The following COL8A1 variants were observed in gnomAD, a reference collection of about 807,000 sequenced individuals.
The protein encoded by COL8A1 is collagen alpha-1(VIII) chain.
A neutral mutation model predicts 42.7 loss-of-function variants in COL8A1; 21 were observed. The observed-to-expected ratio is 0.49, with a 90% CI of 0.35 to 0.71. COL8A1 has a LOEUF of 0.71. Ranked by LOEUF, COL8A1 falls within the 30% of genes least tolerant of loss-of-function variation. The probability of loss-of-function intolerance (pLI) is 0.01; values close to 1 mark genes in which losing one functional copy is unlikely to be tolerated. For missense variants in COL8A1, 788 were observed against 962.4 expected (o/e 0.82, Z 2.40); for synonymous variants, 367 against 369.1 (o/e 0.99, Z 0.06).
intron 2 of COL8A1, among the ~76,000 whole-genome samples, chr3:99,761,752 G>A (rs1285318387): frequency 1.3e-5 from 2 of 152,098 alleles, no homozygotes; most frequent in Non-Finnish European, 2.9e-5. Flanking sequence ...TAGATATCTA[G>A]AGAAAACACG....
intron 1 of COL8A1, among the ~76,000 whole-genome samples, chr3:99,646,775 A>G (rs1366173194): frequency 6.6e-6 from 1 of 152,226 alleles, no homozygotes; most frequent in African/African-American, 2.4e-5. Flanking sequence ...GTGGAAAGTA[A>G]AAAAACAAAT....
chr3:99,649,866 A>G (rs376236163), intron 1 of COL8A1, among the ~76,000 whole-genome samples: 9 of 152,178 alleles, frequency 5.9e-5, no homozygotes, highest in Non-Finnish European at 1.2e-4. Context: ...GGGGCATAAG[A>G]TGAATGCCTA....
chr3:99,700,963 T>A (rs1246707530), intron 1 of COL8A1, among the ~76,000 whole-genome samples: 2 of 152,214 alleles, frequency 1.3e-5, no homozygotes, highest in Non-Finnish European at 2.9e-5. Context: ...GCTTTCTCAC[T>A]CTTACCCCCG....
intron 1 of COL8A1, among the ~76,000 whole-genome samples, chr3:99,658,121 AC>A (rs201391088): frequency 0.086 from 12,444 of 144,410 alleles, 699 homozygotes; most frequent in Middle Eastern, 0.11. Flanking sequence ...TCTCAAAAAA[AC>A]AAAAAACAAA....
intron 2 of COL8A1, among the ~76,000 whole-genome samples, chr3:99,766,532 T>A (rs1941466170): frequency 6.6e-6 from 1 of 152,208 alleles, no homozygotes; most frequent in South Asian, 2.1e-4. Flanking sequence ...TACTTCATTT[T>A]CCCCTAGTGT....
At chr3:99,701,332 G>T (rs1378052323) in intron 1 of COL8A1, among the ~76,000 whole-genome samples, 1 of 152,176 alleles carries the variant, frequency 6.6e-6, no homozygotes, top group Non-Finnish European at 1.5e-5. Flanking sequence ...AAATAATGGT[G>T]CTAACTAGAG....
At chr3:99,665,848 ATTTT>A (rs537279334) in intron 1 of COL8A1, among the ~76,000 whole-genome samples, 2 of 134,264 alleles carry the variant, frequency 1.5e-5, no homozygotes, top group Admixed American at 7.5e-5. Context: ...CACTTAGCTA[ATTTT>A]TTTTTTTTTT....
intron 1 of COL8A1, among the ~76,000 whole-genome samples, chr3:99,683,925 T>C (rs9836015): frequency 0.012 from 1,897 of 152,254 alleles, 27 homozygotes; most frequent in Middle Eastern, 0.044. Flanking sequence ...AAAACCAACA[T>C]TTCATGAAAT....
At chr3:99,790,509 G>C (rs1395853085) in intron 2 of COL8A1, among the ~76,000 whole-genome samples, 171 bp from the exon 3 acceptor site, 1 of 152,040 alleles carries the variant, frequency 6.6e-6, no homozygotes, top group Non-Finnish European at 1.5e-5. Flanking sequence ...TCTATTTTTT[G>C]TTTGTTTGTT....
chr3:99,651,177 A>T (rs1937834275), intron 1 of COL8A1, among the ~76,000 whole-genome samples: 1 of 152,170 alleles, frequency 6.6e-6, no homozygotes, highest in Non-Finnish European at 1.5e-5. Flanking sequence ...ATGAGGAATG[A>T]AAAAGTTCCA....
chr3:99,794,187 C>T lies in COL8A1; in HGVS notation c.329-43C>T, dbSNP rs374890466. 202 of 1,298,964 alleles carry T rather than the reference C, an allele frequency of 1.6e-4. No homozygotes were observed. Among genetic ancestry groups the T allele is most frequent in the Admixed American group, 6.3e-4 (26 of 41,206 alleles). 80.5% of individuals were successfully genotyped at this position (1,298,964 alleles called of 1,614,324 possible). ...AGAGACAATCTACTAATCAATCTCTCTCTCTCCCCCCATACCCCTTCTCTC... is the reference window on the plus strand; with the variant it reads ...AGAGACAATCTACTAATCAATCTCTTTCTCTCCCCCCATACCCCTTCTCTC... On this transcript the variant is annotated intron_variant, in intron 3 of 3. Coordinates refer to ENST00000652472, the MANE Select transcript of COL8A1 (RefSeq NM_020351.4). This position sits in a 1 kb window ranked among gnomAD's most constrained non-coding sequence, Gnocchi z 4.3.
At chr3:99,731,340 G>T (rs769480200) in intron 1 of COL8A1, among the ~76,000 whole-genome samples, 1 of 152,096 alleles carries the variant, frequency 6.6e-6, no homozygotes. Context: ...TGCTCTGGAG[G>T]AAGAGCATTA....
intron 1 of COL8A1, among the ~76,000 whole-genome samples, chr3:99,733,998 T>A (rs1238560886): frequency 6.6e-6 from 1 of 152,002 alleles, no homozygotes; most frequent in African/African-American, 2.4e-5. Context: ...ATGGGGTTGT[T>A]TGTTTCTTTC....
At chr3:99,728,832 A>C (rs1432362411) in intron 1 of COL8A1, among the ~76,000 whole-genome samples, 2 of 152,036 alleles carry the variant, frequency 1.3e-5, no homozygotes, top group African/African-American at 4.8e-5. Context: ...GGTTCAATTT[A>C]AGATTTGCTC....
intron 2 of COL8A1, among the ~76,000 whole-genome samples, chr3:99,749,685 T>C (rs1377029632): frequency 6.6e-6 from 1 of 152,272 alleles, no homozygotes; most frequent in South Asian, 2.1e-4. Context: ...CTATTGTTCA[T>C]AAAGCAAAGG....
At chr3:99,686,490 C>T (rs1165412683) in intron 1 of COL8A1, among the ~76,000 whole-genome samples, 1 of 152,098 alleles carries the variant, frequency 6.6e-6, no homozygotes, top group Non-Finnish European at 1.5e-5. Context: ...GAAATGCCTT[C>T]CTTATCCTAT....
At chr3:99,726,193 T>C (rs28856987) in intron 1 of COL8A1, among the ~76,000 whole-genome samples, 2 of 152,218 alleles carry the variant, frequency 1.3e-5, no homozygotes, top group Admixed American at 6.5e-5. Flanking sequence ...TCATGTGTTT[T>C]TTGGCTGCAT....
Position 99,795,951 on chromosome 3 carries a change from C to A in COL8A1, c.2050C>A (p.Pro684Thr). The change falls in exon 4 of 4, where the codon CCC (proline) becomes ACC (threonine). Residue 684 changes from proline (P) to threonine (T), a missense_variant. This residue lies in a region of COL8A1 where 212 missense variants were observed against 210.9 expected (regional missense o/e 1.00). Transcript: ENST00000652472. ...VWVALFKNNE[P>T]VMYTYDEYKK... ...GGTTGCTCTATTCAAGAACAACGAG[C>A]CCGTGATGTACACGTACGACGAGTA... 2 of 1,614,070 alleles carry A rather than the reference C, an allele frequency of 1.2e-6. No homozygotes were observed. The highest frequency in any genetic ancestry group is 1.7e-6 in the Non-Finnish European group (2 of 1,179,980).
rs34865022 is a variant in COL8A1 at position 99,696,976 on chromosome 3, A to ATTTTTT, written c.-128-47898_-128-47893dup. 2.2e-3 allele frequency among the ~76,000 whole-genome samples: 190 copies of ATTTTTT among 88,050 alleles called. 5 individuals are homozygous for ATTTTTT. The highest frequency in any genetic ancestry group is 2.3e-3 in the Non-Finnish European group (108 of 47,066). The allele number at this position is 88,050 out of a possible 152,430, so 57.8% of individuals were successfully genotyped here. On this transcript the variant is annotated intron_variant, in intron 1 of 3. Coordinates refer to ENST00000652472, the MANE Select transcript of COL8A1 (RefSeq NM_020351.4). ...TAATCCCCACCGGAAATATACACAA[A>ATTTTTT]TTTTTTTTTTTTTTTTTTTTTTTTT...
Sources: gnomAD v4.1 joint callset for allele counts (sites outside exome capture counted in the v4.1 genomes callset) on GRCh38, gnomAD v4.1.1 for gene constraint, gnomAD v4.1.1 regional missense constraint, Gnocchi (gnomAD v3.1) non-coding constraint, MANE v1.5 for transcripts, NCBI Gene and HGNC (gene_info 2026-07-23, HGNC 2026-07-21) for gene names.